The following MCCC1 variants were observed in gnomAD, a reference collection of about 807,000 sequenced individuals.
MCCC1 encodes methylcrotonyl-CoA carboxylase subunit 1, also known as methylcrotonoyl-CoA carboxylase subunit alpha, mitochondrial.
MCCC1 carries 64 observed loss-of-function variants against 83.8 expected under a neutral mutation model. That is an observed-to-expected ratio of 0.76 (90% CI 0.62 to 0.94). The LOEUF is 0.94. Among genes scored for constraint, MCCC1 ranks in the 40% least tolerant of loss-of-function variants. The pLI is 0.00. For synonymous variants in MCCC1, 322 were observed against 315.4 expected (o/e 1.02, Z -0.22); for missense variants, 807 against 904.7 (o/e 0.89, Z 1.39).
In MCCC1 at chr3:183,037,153, A is replaced by T. The variant is rs537200453; in HGVS notation, c.1594+65T>A. On this transcript the variant is annotated intron_variant, in intron 13 of 18. Transcript: ENST00000265594. ...AGAGGTCAGTGTGCCATACAGAAAGAAAAGCATGTTCAATGATGATTTGCA... is the reference window on the plus strand; with the variant it reads ...AGAGGTCAGTGTGCCATACAGAAAGTAAAGCATGTTCAATGATGATTTGCA... 18 of 1,488,038 alleles carry T rather than the reference A, an allele frequency of 1.2e-5. No homozygotes were observed. In the South Asian group the frequency reaches 1.9e-4, roughly 16 times the overall value. 92.2% of individuals were successfully genotyped at this position (1,488,038 alleles called of 1,614,324 possible).
At chr3:183,090,690 A>T (rs1180637326) in intron 3 of MCCC1, among the ~76,000 whole-genome samples, 1 of 152,008 alleles carries the variant, frequency 6.6e-6, no homozygotes, top group African/African-American at 2.4e-5. Context: ...CCCGGGTTCA[A>T]GCGATTCTCC....
In MCCC1 at chr3:183,020,230, C is replaced by T. The variant is rs1454486481; in HGVS notation, c.1877G>A (p.Ser626Asn). 7 of 1,612,730 alleles carry T rather than the reference C, an allele frequency of 4.3e-6. No individual in the cohort carries two copies. The highest frequency in any genetic ancestry group is 1.3e-5 in the African/African-American group (1 of 74,902). The change falls in exon 17 of 19, where the codon AGT becomes AAT. Residue 626 changes from serine (S) to asparagine (N), a missense_variant. Coordinates refer to ENST00000265594, the MANE Select transcript of MCCC1 (RefSeq NM_020166.5). Reference protein sequence around the residue: ...NTIYLFSKEGSIEIDIPVPKY... With the variant: ...NTIYLFSKEGNIEIDIPVPKY... The stretch of plus-strand genomic sequence containing the variant: ...GGGGACTGGAATGTCAATCTCAATA[C>T]TTCCTTCCTAGAAACAGAAAACAAA...
chr3:183,038,215 T>A (rs1713786715), intron 12 of MCCC1, among the ~76,000 whole-genome samples: 1 of 152,090 alleles, frequency 6.6e-6, no homozygotes, highest in African/African-American at 2.4e-5. Context: ...TTACATGCTA[T>A]GAAGAAAATG....
At chr3:183,035,759 A>T (rs553864675) in intron 13 of MCCC1, among the ~76,000 whole-genome samples, 2 of 152,296 alleles carry the variant, frequency 1.3e-5, no homozygotes, top group East Asian at 3.9e-4. Context: ...GTTTGCTCCG[A>T]AAGTCAGAGC....
At chr3:183,034,460 AAAAAAAAAAC>A (rs1344758537) in intron 13 of MCCC1, among the ~76,000 whole-genome samples, 17 of 150,876 alleles carry the variant, frequency 1.1e-4, no homozygotes, top group African/African-American at 3.7e-4. Flanking sequence ...GTCTCAAAAA[AAAAAAAAAAC>A]AAAAAAACAC....
Position 183,041,572 on chromosome 3 carries a change from C to T in MCCC1, c.1262G>A (p.Arg421Gln), listed in dbSNP as rs761249521. 21 of 1,613,944 alleles carry T rather than the reference C, an allele frequency of 1.3e-5. No homozygotes were observed. The South Asian group carries it at 1.4e-4, about 11-fold the overall frequency. The change falls in exon 11 of 19, where the codon CGG becomes CAG. Residue 421 changes from arginine (R) to glutamine (Q), a missense_variant. Arg to Gln is a conservative substitution (Grantham distance 43). Coordinates refer to ENST00000265594, the MANE Select transcript of MCCC1 (RefSeq NM_020166.5). ...TTCATTTTCTTTCACTTTACCTTGC[C>T]GTACTCCAGTTTCAATCCTGGTGGA... Reference protein sequence around the residue: ...DPSTRIETGVRQGDEVSVHYD... With the variant: ...DPSTRIETGVQQGDEVSVHYD...
chr3:183,047,503 T>G (rs556796735), intron 9 of MCCC1, among the ~76,000 whole-genome samples: 4 of 151,994 alleles, frequency 2.6e-5, no homozygotes, highest in African/African-American at 7.2e-5. Context: ...AAGCATCAGG[T>G]ATGGCAGGAA....
intron 18 of MCCC1, 32 bp downstream of exon 18, chr3:183,017,234 C>T: frequency 1.3e-6 from 2 of 1,592,190 alleles, no homozygotes; most frequent in African/African-American, 2.7e-5. Flanking sequence ...CTCCCAAAGT[C>T]CTCATAGCAA....
intron 9 of MCCC1, among the ~76,000 whole-genome samples, chr3:183,046,439 C>A (rs1560230004): frequency 6.7e-6 from 1 of 149,924 alleles, no homozygotes; most frequent in African/African-American, 2.5e-5. Flanking sequence ...ACTCTGTCAT[C>A]CAGGCTGGGG....
intron 2 of MCCC1, among the ~76,000 whole-genome samples, chr3:183,094,189 C>G (rs1033549823): frequency 6.6e-6 from 1 of 151,774 alleles, no homozygotes; most frequent in Non-Finnish European, 1.5e-5. Context: ...TCTGGGATTA[C>G]AGGCACCCGC....
chr3:183,099,457 C>T lies in MCCC1; in HGVS notation c.-17G>A. On this transcript the variant is annotated 5_prime_UTR_variant, in exon 1 of 19. Transcript: ENST00000265594. ...CGCCGCCATGTCCCTGGAGCCCGGCCACTCCGTGACTCCCCAGTACAGAGG... is the reference window on the plus strand; with the variant it reads ...CGCCGCCATGTCCCTGGAGCCCGGCTACTCCGTGACTCCCCAGTACAGAGG... 1 of 1,596,532 alleles carries T rather than the reference C, an allele frequency of 6.3e-7. No individual in the cohort carries two copies. Among genetic ancestry groups the T allele is most frequent in the Non-Finnish European group, 8.5e-7 (1 of 1,172,470 alleles).
At chr3:183,102,172 T>A (rs897778642), upstream of MCCC1, among the ~76,000 whole-genome samples, 2 of 152,088 alleles carry the variant, frequency 1.3e-5, no homozygotes, top group Admixed American at 6.5e-5. Context: ...GAGACCAGCC[T>A]GGGCAATATA....
At chr3:183,078,720 TG>T (rs1356078415) in intron 4 of MCCC1, among the ~76,000 whole-genome samples, 1 of 152,250 alleles carries the variant, frequency 6.6e-6, no homozygotes, top group Non-Finnish European at 1.5e-5. Flanking sequence ...TGGAACTTTT[TG>T]GTGTACTAGA....
intron 2 of MCCC1, among the ~76,000 whole-genome samples, chr3:183,093,637 A>AT (rs1718525787): frequency 6.6e-6 from 1 of 152,202 alleles, no homozygotes; most frequent in Non-Finnish European, 1.5e-5. Context: ...CCATAGGCTC[A>AT]ACATAATAAA....
chr3:183,107,535 T>TATTATTATTATTATTATTATTA (rs1553872789), intron 1 of MCCC1, among the ~76,000 whole-genome samples: 3 of 149,310 alleles, frequency 2.0e-5, no homozygotes, highest in African/African-American at 7.4e-5. Context: ...TTATTATTAT[T>TATTATTATTATTATTATTATTA]TGTTGTTGTT....
chr3:183,112,914 TA>T (rs960443748), intron 1 of MCCC1, among the ~76,000 whole-genome samples: 3 of 146,302 alleles, frequency 2.1e-5, no homozygotes, highest in South Asian at 2.2e-4. Flanking sequence ...TCTTAAAAAA[TA>T]AAAAAAAATA....
At chr3:183,102,258 C>T (rs965566626), upstream of MCCC1, among the ~76,000 whole-genome samples, 5 of 152,150 alleles carry the variant, frequency 3.3e-5, no homozygotes, top group South Asian at 8.3e-4. Flanking sequence ...CCCAGCTACT[C>T]GGGAGACTGA....
At chr3:183,079,514 G>C (rs1717331761) in intron 4 of MCCC1, among the ~76,000 whole-genome samples, 1 of 152,188 alleles carries the variant, frequency 6.6e-6, no homozygotes. Context: ...CCATGGTCTT[G>C]GGCAGCTCCA....
chr3:183,040,764 T>C (rs921212231), intron 11 of MCCC1, among the ~76,000 whole-genome samples: 8 of 152,000 alleles, frequency 5.3e-5, no homozygotes, highest in South Asian at 2.1e-4. Context: ...AAAAAACTTG[T>C]CCTAATTATA....
Sources: allele counts gnomAD v4.1 joint callset (sites outside exome capture counted in the v4.1 genomes callset), GRCh38; gene constraint gnomAD v4.1.1; transcripts MANE v1.5; gene names NCBI Gene and HGNC (gene_info 2026-07-23, HGNC 2026-07-21).